Variants in IL1RAPL2 observed in about 807,000 individuals in gnomAD.
IL1RAPL2 encodes the protein X-linked interleukin-1 receptor accessory protein-like 2.
In IL1RAPL2, 3 loss-of-function variants were observed where a neutral mutation model predicts 44.1. That is an observed-to-expected ratio of 0.07 (90% CI 0.03 to 0.18). IL1RAPL2 has a LOEUF of 0.18. Ranked by LOEUF, IL1RAPL2 falls within the 10% of genes least tolerant of loss-of-function variation. The pLI is 1.00. For synonymous variants in IL1RAPL2, 181 were observed against 178.8 expected, an observed-to-expected ratio of 1.01 and a Z score of -0.10; for missense variants, 391 against 496.4, an observed-to-expected ratio of 0.79 and a Z score of 2.02.
chrX:104,580,561 C>T (rs1928326586), intron 1 of IL1RAPL2, among the ~76,000 whole-genome samples: 1 of 111,993 alleles, frequency 8.9e-6, no homozygotes, highest in Non-Finnish European at 1.9e-5. Context: ...ATTGTCAGAC[C>T]AAGAAATTTT....
At chrX:105,074,908 C>T (rs1169650369) in intron 2 of IL1RAPL2, among the ~76,000 whole-genome samples, 33 of 111,185 alleles carry the variant, frequency 3.0e-4, no homozygotes, top group African/African-American at 1.1e-3. Flanking sequence ...TGAGACTTTG[C>T]TGAAGTTGCT....
Position 105,234,230 on chromosome X carries a change from C to T in IL1RAPL2, c.543+226C>T, listed in dbSNP as rs189638597. Among the ~76,000 whole-genome samples, 446 of 112,008 alleles carry T rather than the reference C, an allele frequency of 4.0e-3. 2 individuals are homozygous for T. Among genetic ancestry groups the T allele is most frequent in the Non-Finnish European group, 7.0e-3 (370 of 53,193 alleles). ...TCTCCAACTGCTAAAAGTAGAATCT[C>T]CCTCCAGCCTGACAGCATATAAGAA... On this transcript the variant is annotated intron_variant, in intron 4 of 10. Transcript: ENST00000372582.
chrX:105,442,795 G>T (rs764721818), intron 5 of IL1RAPL2, among the ~76,000 whole-genome samples: 1 of 112,373 alleles, frequency 8.9e-6, no homozygotes, highest in African/African-American at 3.2e-5. Context: ...CTTCATACAG[G>T]CTGGGCATGG....
chrX:104,673,418 C>A lies in IL1RAPL2; in HGVS notation c.82+14423C>A, dbSNP rs770819415. ...AGATCAGATAGTTGTAGATATGCGGCGTTATTTCTGAGGGCTCTGTTCTGT... is the reference window on the plus strand; with the variant it reads ...AGATCAGATAGTTGTAGATATGCGGAGTTATTTCTGAGGGCTCTGTTCTGT... On this transcript the variant is annotated intron_variant, in intron 2 of 10. Transcript: ENST00000372582. 9.3e-3 allele frequency among the ~76,000 whole-genome samples: 1,029 copies of A among 110,617 alleles called. 16 individuals carry two copies. Among genetic ancestry groups the A allele is most frequent in the African/African-American group, 0.033 (987 of 30,192 alleles).
At chrX:105,055,226 A>G (rs2031977753) in intron 2 of IL1RAPL2, among the ~76,000 whole-genome samples, 1 of 111,778 alleles carries the variant, frequency 8.9e-6, no homozygotes, top group Non-Finnish European at 1.9e-5. Flanking sequence ...GTGTCCTCAC[A>G]TGGCAGAAAG....
At chrX:104,873,517 G>C (rs1222687324) in intron 2 of IL1RAPL2, among the ~76,000 whole-genome samples, 1 of 111,843 alleles carries the variant, frequency 8.9e-6, no homozygotes, top group East Asian at 2.8e-4. Context: ...TTTGTTAGGA[G>C]TTTTCTGGAG....
intron 7 of IL1RAPL2, among the ~76,000 whole-genome samples, chrX:105,732,434 G>A (rs1433951184): frequency 9.1e-6 from 1 of 109,593 alleles, no homozygotes; most frequent in East Asian, 2.9e-4. Flanking sequence ...TGTGAGATCT[G>A]GTTGTTTAAA....
At chrX:105,332,170 A>AT (rs1377930014) in intron 5 of IL1RAPL2, among the ~76,000 whole-genome samples, 2 of 110,630 alleles carry the variant, frequency 1.8e-5, no homozygotes, top group Non-Finnish European at 3.8e-5. Context: ...TCCAAAAAAA[A>AT]TTTTTTAACA....
At chrX:105,475,686 G>GA (rs754019209) in intron 5 of IL1RAPL2, among the ~76,000 whole-genome samples, 1,552 of 93,783 alleles carry the variant, frequency 0.017, 31 homozygotes, top group African/African-American at 0.049. Context: ...GAACTGTGAA[G>GA]AAAAAAAAAA....
intron 6 of IL1RAPL2, among the ~76,000 whole-genome samples, chrX:105,602,776 T>C (rs769448975): frequency 9.8e-6 from 1 of 101,958 alleles, no homozygotes; most frequent in Non-Finnish European, 2.0e-5. Flanking sequence ...GAGAAAGGGG[T>C]GATATATTTA....
At chrX:104,786,679 G>C (rs1279991115) in intron 2 of IL1RAPL2, among the ~76,000 whole-genome samples, 1 of 111,648 alleles carries the variant, frequency 9.0e-6, no homozygotes, top group Non-Finnish European at 1.9e-5. Flanking sequence ...TTTTGTGACT[G>C]CCACTATGCT....
In IL1RAPL2 at chrX:104,752,300, T is replaced by TGA. The variant is rs1212843262; in HGVS notation, c.82+93317_82+93318dup. On this transcript the variant is annotated intron_variant, in intron 2 of 10. Coordinates refer to ENST00000372582, the MANE Select transcript of IL1RAPL2 (RefSeq NM_017416.2). Reference sequence around the variant, plus strand: ...GTGAGAGTGTGTGTGTGTGTGTGTGTGAGAGAGAGAGAGGCTCTAATTGAT... The same window carrying TGA: ...GTGAGAGTGTGTGTGTGTGTGTGTGTGAGAGAGAGAGAGAGGCTCTAATTGAT... Among the ~76,000 whole-genome samples, 29 of 108,760 alleles carry TGA rather than the reference T, an allele frequency of 2.7e-4. 1 individual carries two copies. Among genetic ancestry groups the TGA allele is most frequent in the African/African-American group, 7.3e-4 (22 of 30,036 alleles). 94.4% of individuals were successfully genotyped at this position (108,760 alleles called of 115,157 possible). A position where few individuals can be genotyped will look rare whatever the true frequency, so the allele number is the denominator to read the frequency against.
chrX:105,039,319 CT>C (rs1172037488), intron 2 of IL1RAPL2, among the ~76,000 whole-genome samples: 44 of 111,674 alleles, frequency 3.9e-4, no homozygotes, highest in African/African-American at 1.4e-3. Flanking sequence ...CAAAGGGAAG[CT>C]TTTCTAATAA....
chrX:105,033,903 C>T (rs1476878658), intron 2 of IL1RAPL2, among the ~76,000 whole-genome samples: 1 of 111,694 alleles, frequency 9.0e-6, no homozygotes, highest in African/African-American at 3.3e-5. Flanking sequence ...TCCCATATTT[C>T]TTGGAGGCTT....
intron 6 of IL1RAPL2, among the ~76,000 whole-genome samples, chrX:105,665,801 C>G (rs1426492850): frequency 9.8e-6 from 1 of 101,880 alleles, no homozygotes; most frequent in Non-Finnish European, 2.0e-5. Flanking sequence ...CTCGCTCTGT[C>G]GCCCAGGCTG....
At position 104,883,577 on chromosome X, in the gene IL1RAPL2, C is replaced by T. The variant is rs769026441; in HGVS notation, c.82+224582C>T. ...GACCCTTGCCTCTTGGGTCCTAATG[C>T]CTGCCAGACAAACTTCCTCTTGCCT... On this transcript the variant is annotated intron_variant, in intron 2 of 10. Coordinates refer to ENST00000372582, the MANE Select transcript of IL1RAPL2 (RefSeq NM_017416.2). Among the ~76,000 whole-genome samples, 5 of 111,638 alleles carry T rather than the reference C, an allele frequency of 4.5e-5. No individual in the cohort carries two copies. In the South Asian group the frequency reaches 1.5e-3, roughly 34 times the overall value.
chrX:104,733,804 T>C (rs999114912), intron 2 of IL1RAPL2, among the ~76,000 whole-genome samples: 1 of 110,525 alleles, frequency 9.0e-6, no homozygotes, highest in Admixed American at 9.7e-5. Flanking sequence ...TCATAAAAAT[T>C]ATAAACTTCT....
At chrX:105,549,925 C>A (rs1173339011) in intron 6 of IL1RAPL2, among the ~76,000 whole-genome samples, 1 of 111,982 alleles carries the variant, frequency 8.9e-6, no homozygotes, top group Non-Finnish European at 1.9e-5. Context: ...TTTTCCATTT[C>A]TTCAATTATT....
chrX:104,567,492 C>G (rs765138587), intron 1 of IL1RAPL2, among the ~76,000 whole-genome samples: 2 of 112,611 alleles, frequency 1.8e-5, no homozygotes, highest in South Asian at 7.3e-4. Context: ...CGAGGGGTTC[C>G]CCAGCAATAC....
Sources: gnomAD v4.1 joint callset for allele counts (sites outside exome capture counted in the v4.1 genomes callset) on GRCh38, gnomAD v4.1.1 for gene constraint, MANE v1.5 for transcripts, NCBI Gene and HGNC (gene_info 2026-07-23, HGNC 2026-07-21) for gene names.